NTM: variants seen among roughly 807,000 people sequenced by gnomAD.
The protein encoded by NTM is neurotrimin.
NTM carries 13 observed loss-of-function variants against 42.1 expected under a neutral mutation model. The ratio of observed to expected loss-of-function variants is 0.31; its 90% confidence interval spans 0.20 to 0.49. The LOEUF is 0.49. Among genes scored for constraint, NTM ranks in the 20% least tolerant of loss-of-function variants. NTM has a pLI of 0.99. For missense variants in NTM, 373 were observed against 452.8 expected (o/e 0.82, Z 1.60); for synonymous variants, 187 against 179.2 (o/e 1.04, Z -0.35).
chr11:132,305,019 C>A (rs551374267), intron 4 of NTM, among the ~76,000 whole-genome samples: 1 of 152,168 alleles, frequency 6.6e-6, no homozygotes, highest in Non-Finnish European at 1.5e-5. Context: ...GATCACCTGA[C>A]ATAAATATAC....
At chr11:132,168,599 G>A (rs2075644207) in intron 3 of NTM, among the ~76,000 whole-genome samples, 1 of 152,112 alleles carries the variant, frequency 6.6e-6, no homozygotes, top group Admixed American at 6.5e-5. Flanking sequence ...TCATCTCCTG[G>A]GCAGTGTTTT....
In NTM at chr11:132,305,088, G is replaced by T. The variant is rs146188483; in HGVS notation, c.527-2601G>T. Among the ~76,000 whole-genome samples the T allele has an allele frequency of 5.5e-3, 839 of 152,254 alleles. 9 individuals carry two copies. The highest frequency in any genetic ancestry group is 0.018 in the African/African-American group (759 of 41,554). ...CCCCACAGAAAACTGATGAGTTCTC[G>T]ATTTTGACTGCCTTAATATTTGTGT... On this transcript the variant is annotated intron_variant, in intron 4 of 8. Coordinates refer to ENST00000683400, the MANE Select transcript of NTM (RefSeq NM_001352005.2).
intron 1 of NTM, among the ~76,000 whole-genome samples, chr11:131,633,732 T>TCTCCCTCC (rs2063984967): frequency 1.1e-5 from 1 of 90,170 alleles, no homozygotes; most frequent in Non-Finnish European, 2.1e-5. Context: ...TCTCTCTCTC[T>TCTCCCTCC]CTCTCCCTCC....
intron 1 of NTM, among the ~76,000 whole-genome samples, chr11:131,474,133 T>C (rs1952695998): frequency 6.6e-6 from 1 of 152,180 alleles, no homozygotes; most frequent in Admixed American, 6.5e-5. Flanking sequence ...ATTACTCTTA[T>C]TCAAGTCAGA....
At chr11:131,592,220 A>C (rs73588492) in intron 1 of NTM, among the ~76,000 whole-genome samples, 6,420 of 152,278 alleles carry the variant, frequency 0.042, 418 homozygotes, top group African/African-American at 0.14. Context: ...CTGCTAAAAA[A>C]TGTGGTAGAG....
At chr11:132,321,414 AG>A (rs1256139066) in intron 7 of NTM, among the ~76,000 whole-genome samples, 1 of 152,346 alleles carries the variant, frequency 6.6e-6, no homozygotes, top group East Asian at 1.9e-4. Flanking sequence ...ATCAACTGGA[AG>A]AAAGGGTATC....
intron 7 of NTM, among the ~76,000 whole-genome samples, chr11:132,327,258 C>G (rs999804344): frequency 2.6e-5 from 4 of 152,168 alleles, no homozygotes; most frequent in African/African-American, 9.7e-5. Context: ...GGTCCTTTGT[C>G]TTTTATCTCC....
At chr11:132,105,187 C>T (rs1012252959) in intron 2 of NTM, among the ~76,000 whole-genome samples, 1 of 151,306 alleles carries the variant, frequency 6.6e-6, no homozygotes, top group African/African-American at 2.4e-5. Flanking sequence ...CTCCAACACG[C>T]ACAGCTGAAG....
At chr11:131,825,962 G>A (rs1188825649) in intron 1 of NTM, among the ~76,000 whole-genome samples, 1 of 152,116 alleles carries the variant, frequency 6.6e-6, no homozygotes, top group East Asian at 1.9e-4. Flanking sequence ...ATATAAATTT[G>A]GAGATTATTG....
chr11:131,851,403 A>T (rs573831153), intron 1 of NTM, among the ~76,000 whole-genome samples: 1 of 152,128 alleles, frequency 6.6e-6, no homozygotes, highest in Non-Finnish European at 1.5e-5. Flanking sequence ...AATAGAAAAA[A>T]ATATTTTAAT....
At chr11:131,982,590 T>C (rs1046970818) in intron 2 of NTM, among the ~76,000 whole-genome samples, 27 of 152,018 alleles carry the variant, frequency 1.8e-4, no homozygotes, top group Non-Finnish European at 3.1e-4. Context: ...ATGTGCCCTT[T>C]AAAGCAAGTG....
chr11:132,038,596 G>A (rs911408760), intron 2 of NTM, among the ~76,000 whole-genome samples: 8 of 152,162 alleles, frequency 5.3e-5, no homozygotes, highest in South Asian at 2.1e-4. Context: ...CGTGTGTAGC[G>A]TTTAGCACAT....
intron 4 of NTM, among the ~76,000 whole-genome samples, chr11:132,249,436 C>T (rs1386174562): frequency 6.6e-6 from 1 of 152,176 alleles, no homozygotes; most frequent in African/African-American, 2.4e-5. Context: ...GCTGAGGAGG[C>T]CACCCACCTG....
At chr11:132,135,844 G>A (rs896123089) in intron 2 of NTM, among the ~76,000 whole-genome samples, 5 of 152,150 alleles carry the variant, frequency 3.3e-5, no homozygotes, top group African/African-American at 1.2e-4. Context: ...AAATGATGAG[G>A]CCCCCATCGA....
At chr11:132,236,571 T>C (rs1278644506) in intron 4 of NTM, among the ~76,000 whole-genome samples, 2 of 152,168 alleles carry the variant, frequency 1.3e-5, no homozygotes, top group Admixed American at 6.5e-5. Flanking sequence ...ACTAGTGTTA[T>C]TAGGATGAGA....
At chr11:132,205,222 C>T (rs74505361) in intron 3 of NTM, among the ~76,000 whole-genome samples, 88 of 152,254 alleles carry the variant, frequency 5.8e-4, no homozygotes, top group African/African-American at 2.0e-3. Flanking sequence ...GATCTGCATG[C>T]GCCGTGCAGT....
At chr11:131,978,934 A>G (rs1238053269) in intron 2 of NTM, among the ~76,000 whole-genome samples, 7 of 152,130 alleles carry the variant, frequency 4.6e-5, no homozygotes, top group Admixed American at 2.6e-4. Flanking sequence ...TAAGTCCCCT[A>G]GGATGCAGTT....
At chr11:131,689,772 C>A (rs2074419742) in intron 1 of NTM, among the ~76,000 whole-genome samples, 1 of 152,192 alleles carries the variant, frequency 6.6e-6, no homozygotes. Context: ...GGGGTCAAAG[C>A]TGTTCTCACC....
At chr11:131,661,085 C>T (rs1396934366) in intron 1 of NTM, 3 of 1,277,302 alleles carry the variant, frequency 2.3e-6, no homozygotes, top group South Asian at 1.2e-5. Flanking sequence ...TTTGCACAGA[C>T]TGGTGGGGGG....
Sources: gnomAD v4.1 joint callset for allele counts (sites outside exome capture counted in the v4.1 genomes callset) on GRCh38, gnomAD v4.1.1 for gene constraint, MANE v1.5 for transcripts, NCBI Gene and HGNC (gene_info 2026-07-23, HGNC 2026-07-21) for gene names.